The following PRKN variants were observed in gnomAD, a reference collection of about 807,000 sequenced individuals.
The protein encoded by PRKN is E3 ubiquitin-protein ligase parkin.
In PRKN, 56 loss-of-function variants were observed where a neutral mutation model predicts 59.5. The ratio of observed to expected loss-of-function variants is 0.94; its 90% CI spans 0.76 to 1.18. The LOEUF (loss-of-function observed/expected upper bound fraction) is 1.18. PRKN is among the 50% of genes most tolerant of loss of function. The probability of loss-of-function intolerance (pLI) is 0.00; values close to 1 mark genes in which losing one functional copy is unlikely to be tolerated. For missense variants in PRKN, 657 were observed against 596.4 expected, an observed-to-expected ratio of 1.10 and a Z score of -1.06; for synonymous variants, 250 against 222.1, an observed-to-expected ratio of 1.13 and a Z score of -1.12.
chr6:161,733,360 T>C (rs769598422), intron 7 of PRKN, among the ~76,000 whole-genome samples: 8 of 152,282 alleles, frequency 5.3e-5, no homozygotes, highest in South Asian at 4.1e-4. Flanking sequence ...AAAATGCCCA[T>C]GGTTTATGAA....
intron 1 of PRKN, among the ~76,000 whole-genome samples, chr6:162,450,717 T>C (rs1477863785): frequency 6.6e-6 from 1 of 152,084 alleles, no homozygotes; most frequent in Non-Finnish European, 1.5e-5. Context: ...CCTTTCAAGG[T>C]CATCCAAAAC....
rs1241872856 is a variant in PRKN, at chr6:161,357,525, C to T, written c.1285+2563G>A. Among the ~76,000 whole-genome samples, 1 of 152,220 alleles carries T rather than the reference C, an allele frequency of 6.6e-6. No individual in the cohort carries two copies. Among genetic ancestry groups the T allele is most frequent in the Non-Finnish European group, 1.5e-5 (1 of 68,032 alleles). On this transcript the variant is annotated intron_variant, in intron 11 of 11. Transcript: ENST00000366898. This position sits in a 1 kb window ranked among gnomAD's most constrained non-coding sequence, Gnocchi z 5.5. ...TTTAAGGATCCCCTTTCCCTCCCCA[C>T]TGCAGACAGAGACCTGGCTGATTTT...
Position 161,560,088 on chromosome 6 carries a change from A to C in PRKN, c.933+9267T>G, listed in dbSNP as rs1224106576. Among the ~76,000 whole-genome samples, 1 of 152,102 alleles carries C rather than the reference A, an allele frequency of 6.6e-6. No individual in the cohort carries two copies. The highest frequency in any genetic ancestry group is 1.5e-5 in the Non-Finnish European group (1 of 68,016). On this transcript the variant is annotated intron_variant, in intron 8 of 11. Coordinates refer to ENST00000366898, the MANE Select transcript of PRKN (RefSeq NM_004562.3). This position sits in a 1 kb window ranked among gnomAD's most constrained non-coding sequence, Gnocchi z 4.9. Reference sequence around the variant, plus strand: ...AAGCTGCCTGTCATTCTTATCACCCAAACTGTCAGTCCCATATGGGTCCAT... The same window carrying C: ...AAGCTGCCTGTCATTCTTATCACCCCAACTGTCAGTCCCATATGGGTCCAT...
At chr6:161,430,106 G>T (rs903419822) in intron 9 of PRKN, among the ~76,000 whole-genome samples, 1 of 152,198 alleles carries the variant, frequency 6.6e-6, no homozygotes, top group Admixed American at 6.5e-5. Flanking sequence ...GGGAATCTGA[G>T]TCTTTTATAA....
chr6:161,703,854 T>C lies in PRKN; in HGVS notation c.871+81918A>G, dbSNP rs972905195. Reference sequence around the variant, plus strand: ...CTCTCTCTCTCTTTTTTTTTTTTTTTTTTTTTTTTTTTTTTTTTTTTTACA... The same window carrying C: ...CTCTCTCTCTCTTTTTTTTTTTTTTCTTTTTTTTTTTTTTTTTTTTTTACA... On this transcript the variant is annotated intron_variant, in intron 7 of 11. Coordinates refer to ENST00000366898, the MANE Select transcript of PRKN (RefSeq NM_004562.3). Among the ~76,000 whole-genome samples the C allele has an allele frequency of 5.6e-4, 59 of 104,838 alleles. 1 individual carries two copies. The highest frequency in any genetic ancestry group is 9.4e-4 in the East Asian group (4 of 4,250). 68.8% of individuals were successfully genotyped at this position (104,838 alleles called of 152,430 possible). A position where few individuals can be genotyped will look rare whatever the true frequency, so the allele number is the denominator to read the frequency against.
chr6:161,686,655 T>A (rs1396466576), intron 7 of PRKN, among the ~76,000 whole-genome samples: 1 of 152,204 alleles, frequency 6.6e-6, no homozygotes, highest in East Asian at 1.9e-4. Context: ...TTCAAACTAC[T>A]TCCTATCCAT....
intron 1 of PRKN, among the ~76,000 whole-genome samples, chr6:162,634,377 C>T (rs779931513): frequency 5.3e-5 from 8 of 152,104 alleles, no homozygotes; most frequent in Non-Finnish European, 1.2e-4. Flanking sequence ...CACCTGTAAT[C>T]CCAGTGCTTT....
intron 1 of PRKN, among the ~76,000 whole-genome samples, chr6:162,491,405 G>A (rs1792809518): frequency 6.6e-6 from 1 of 152,158 alleles, no homozygotes. Context: ...ATGCTTCACT[G>A]GGTCTCCAGG....
chr6:161,874,729 A>AAAAT (rs1794610092), intron 6 of PRKN, among the ~76,000 whole-genome samples: 1 of 99,250 alleles, frequency 1.0e-5, no homozygotes, highest in Admixed American at 1.2e-4. Context: ...CAATATATAA[A>AAAAT]ATGTACTATA....
chr6:161,885,051 G>C (rs914626988), intron 6 of PRKN, among the ~76,000 whole-genome samples: 5 of 148,902 alleles, frequency 3.4e-5, no homozygotes, highest in Non-Finnish European at 5.9e-5. Flanking sequence ...CGTAGTTCTA[G>C]ACCTACTGCA....
chr6:162,218,672 C>T (rs1052431919), intron 3 of PRKN, among the ~76,000 whole-genome samples: 8 of 151,896 alleles, frequency 5.3e-5, no homozygotes, highest in African/African-American at 1.9e-4. Context: ...ATAAGCATTC[C>T]AGGAGTAGAA....
chr6:162,300,231 C>A (rs1314744378), intron 2 of PRKN, among the ~76,000 whole-genome samples: 2 of 151,422 alleles, frequency 1.3e-5, no homozygotes, highest in African/African-American at 2.4e-5. Flanking sequence ...CCTTTAAAAA[C>A]TTATTTCTGA....
chr6:161,612,550 CT>C (rs1241235344), intron 7 of PRKN, among the ~76,000 whole-genome samples: 2 of 151,606 alleles, frequency 1.3e-5, no homozygotes, highest in African/African-American at 4.8e-5. Flanking sequence ...GTGAAACCCC[CT>C]CTCTACTAAA....
chr6:161,680,777 T>TG lies in PRKN; in HGVS notation c.871+104994_871+104995insC, dbSNP rs1562604160. ...TATATATATATATATATATATATAT[T>TG]TTTTTTTTTTTTTCTTTTCCTAAAA... On this transcript the variant is annotated intron_variant, in intron 7 of 11. Transcript: ENST00000366898. Among the ~76,000 whole-genome samples, 171 of 37,270 alleles carry TG rather than the reference T, an allele frequency of 4.6e-3. 2 individuals are homozygous for TG. Among genetic ancestry groups the TG allele is most frequent in the East Asian group, 0.029 (22 of 756 alleles). 24.5% of individuals were successfully genotyped at this position (37,270 alleles called of 152,430 possible).
At position 161,757,871 on chromosome 6, in the gene PRKN, C is replaced by CTCTCTCTCTCTCTCTCTCTG. The variant is rs1380898753; in HGVS notation, c.871+27900_871+27901insCAGAGAGAGAGAGAGAGAGA. Among the ~76,000 whole-genome samples the CTCTCTCTCTCTCTCTCTCTG allele has an allele frequency of 1.8e-3, 172 of 97,958 alleles. 5 individuals are homozygous for CTCTCTCTCTCTCTCTCTCTG. The highest frequency in any genetic ancestry group is 3.5e-3 in the African/African-American group (78 of 22,350). The allele number at this position is 97,958 out of a possible 152,430, so 64.3% of individuals were successfully genotyped here. On this transcript the variant is annotated intron_variant, in intron 7 of 11. Transcript: ENST00000366898. Reference sequence around the variant, plus strand: ...TCTCTCTCTCTCTCTCTCTCTCTCTCTGTGTATATATATATACACACACAC... The same window carrying CTCTCTCTCTCTCTCTCTCTG: ...TCTCTCTCTCTCTCTCTCTCTCTCTCTCTCTCTCTCTCTCTCTCTGTGTGTATATATATATACACACACAC...
At chr6:161,866,808 G>A (rs1794129813) in intron 6 of PRKN, among the ~76,000 whole-genome samples, 1 of 152,128 alleles carries the variant, frequency 6.6e-6, no homozygotes, top group Non-Finnish European at 1.5e-5. Context: ...GAGGATGTGG[G>A]GTAAGGACAG....
chr6:162,233,405 T>C lies in PRKN; in HGVS notation c.412+29120A>G, dbSNP rs564268381. Among the ~76,000 whole-genome samples the C allele has an allele frequency of 3.9e-5, 6 of 152,310 alleles. No individual in the cohort carries two copies. The South Asian group carries it at 6.2e-4, about 16-fold the overall frequency. ...AGGAACTTATTCTAAGGAAATGCTA[T>C]ACAAATATGCACATACAAGATGTTC... On this transcript the variant is annotated intron_variant, in intron 3 of 11. Transcript: ENST00000366898.
chr6:162,580,860 C>T (rs1036388575), intron 1 of PRKN, among the ~76,000 whole-genome samples: 1 of 152,186 alleles, frequency 6.6e-6, no homozygotes, highest in Non-Finnish European at 1.5e-5. Flanking sequence ...GAGTATATAA[C>T]GCCTTTGCCA....
chr6:162,436,544 T>A (rs1789781109), intron 2 of PRKN, among the ~76,000 whole-genome samples: 1 of 151,834 alleles, frequency 6.6e-6, no homozygotes, highest in African/African-American at 2.4e-5. Context: ...ACTCCTGACC[T>A]CGTGATCTGC....
Sources: gnomAD v4.1 joint callset for allele counts (sites outside exome capture counted in the v4.1 genomes callset) on GRCh38, gnomAD v4.1.1 for gene constraint, Gnocchi (gnomAD v3.1) non-coding constraint, MANE v1.5 for transcripts, NCBI Gene and HGNC (gene_info 2026-07-23, HGNC 2026-07-21) for gene names.